Variants in SMYD3 observed in about 807,000 individuals in gnomAD.
SMYD3 encodes histone-lysine N-methyltransferase SMYD3.
A neutral mutation model predicts 57.7 loss-of-function variants in SMYD3; 36 were observed. The observed-to-expected ratio is 0.62, with a 90% confidence interval of 0.48 to 0.82. The LOEUF (loss-of-function observed/expected upper bound fraction) is 0.82, where lower values mean the gene tolerates loss of function less well. SMYD3 is among the 40% of genes least tolerant of loss of function. SMYD3 has a pLI of 0.00. For synonymous variants in SMYD3, 211 were observed against 195.0 expected (o/e 1.08, Z -0.68); for missense variants, 515 against 538.8 (o/e 0.96, Z 0.44).
intron 8 of SMYD3, among the ~76,000 whole-genome samples, chr1:245,909,756 T>C (rs1389033936): frequency 1.3e-5 from 2 of 152,002 alleles, no homozygotes; most frequent in Admixed American, 1.3e-4. Context: ...TCAATAAAAT[T>C]CAATATGCCT....
chr1:246,444,305 T>G (rs931404947), intron 1 of SMYD3, among the ~76,000 whole-genome samples: 19 of 152,102 alleles, frequency 1.2e-4, no homozygotes, highest in Admixed American at 7.2e-4. Context: ...TTTGTATTTT[T>G]GGTAGAGACG....
At chr1:246,264,116 G>C (rs1558360283) in intron 5 of SMYD3, among the ~76,000 whole-genome samples, 1 of 152,016 alleles carries the variant, frequency 6.6e-6, no homozygotes. Flanking sequence ...TTCGAATACA[G>C]ACTTCTGAGG....
chr1:246,382,177 T>C (rs995391057), intron 1 of SMYD3, among the ~76,000 whole-genome samples: 1 of 150,408 alleles, frequency 6.6e-6, no homozygotes, highest in Non-Finnish European at 1.5e-5. Flanking sequence ...CCCAAACCCC[T>C]CCAGCTGACA....
intron 5 of SMYD3, among the ~76,000 whole-genome samples, chr1:246,076,193 A>G (rs543376676): frequency 2.3e-4 from 35 of 152,316 alleles, no homozygotes; most frequent in African/African-American, 8.2e-4. Flanking sequence ...ATTAAAAAAG[A>G]AACTATATAA....
At chr1:246,393,934 T>C (rs537883850) in intron 1 of SMYD3, among the ~76,000 whole-genome samples, 71 of 152,288 alleles carry the variant, frequency 4.7e-4, no homozygotes, top group Admixed American at 3.7e-3. Flanking sequence ...ATGGTGAAAA[T>C]TGAAAACTAG....
intron 5 of SMYD3, chr1:245,930,379 C>CT: frequency 2.9e-6 from 1 of 342,462 alleles, no homozygotes; most frequent in Admixed American, 4.2e-5. Context: ...CAACTTGTCT[C>CT]TTACTCCTAC....
intron 5 of SMYD3, among the ~76,000 whole-genome samples, chr1:245,998,792 T>C (rs1027010402): frequency 6.6e-6 from 1 of 152,158 alleles, no homozygotes; most frequent in South Asian, 2.1e-4. Context: ...AAATGTGGTG[T>C]AGACAGAAAA....
chr1:245,926,260 T>C (rs990333219), intron 7 of SMYD3, among the ~76,000 whole-genome samples: 1 of 152,116 alleles, frequency 6.6e-6, no homozygotes, highest in Non-Finnish European at 1.5e-5. Context: ...GTTTAAATCA[T>C]AACAAACAGC....
intron 5 of SMYD3, among the ~76,000 whole-genome samples, chr1:246,101,850 A>G (rs1303027546): frequency 6.6e-6 from 1 of 152,240 alleles, no homozygotes; most frequent in African/African-American, 2.4e-5. Flanking sequence ...CAATGCCCTG[A>G]AAGCAGCCCA....
intron 1 of SMYD3, among the ~76,000 whole-genome samples, chr1:246,496,944 A>T (rs1398631861): frequency 6.6e-6 from 1 of 152,248 alleles, no homozygotes; most frequent in African/African-American, 2.4e-5. Flanking sequence ...AACTTTAAAA[A>T]GGAAACATTC....
chr1:246,242,477 C>A (rs1170643526), intron 5 of SMYD3, among the ~76,000 whole-genome samples: 1 of 152,120 alleles, frequency 6.6e-6, no homozygotes, highest in African/African-American at 2.4e-5. Flanking sequence ...AATTTATGTT[C>A]TTTTATATTT....
At chr1:246,081,467 A>C (rs958456338) in intron 5 of SMYD3, among the ~76,000 whole-genome samples, 1 of 152,064 alleles carries the variant, frequency 6.6e-6, no homozygotes, top group Non-Finnish European at 1.5e-5. Flanking sequence ...ATCTTTGCTC[A>C]CCACAACCCC....
At chr1:245,995,070 T>A (rs1223751939) in intron 5 of SMYD3, among the ~76,000 whole-genome samples, 1 of 152,052 alleles carries the variant, frequency 6.6e-6, no homozygotes, top group Non-Finnish European at 1.5e-5. Context: ...TCCAGCCTGG[T>A]GACAGAGCAA....
chr1:245,867,985 G>A (rs1477340768), intron 8 of SMYD3, among the ~76,000 whole-genome samples: 1 of 152,220 alleles, frequency 6.6e-6, no homozygotes, highest in African/African-American at 2.4e-5. Flanking sequence ...GCTCTTTAGA[G>A]CTGAATATAG....
At chr1:246,104,375 A>G (rs1053372908) in intron 5 of SMYD3, among the ~76,000 whole-genome samples, 1 of 152,250 alleles carries the variant, frequency 6.6e-6, no homozygotes, top group South Asian at 2.1e-4. Flanking sequence ...GGTGCTACTC[A>G]GAGCATGCTG....
At chr1:246,040,856 C>T (rs904958762) in intron 5 of SMYD3, among the ~76,000 whole-genome samples, 1 of 152,080 alleles carries the variant, frequency 6.6e-6, no homozygotes, top group African/African-American at 2.4e-5. Flanking sequence ...AAATATCGCA[C>T]AAATAGCAAA....
intron 5 of SMYD3, among the ~76,000 whole-genome samples, chr1:246,222,338 G>A (rs961150900): frequency 5.3e-5 from 8 of 151,956 alleles, no homozygotes; most frequent in South Asian, 2.1e-4. Flanking sequence ...CTTTATTATC[G>A]ACAAGGAACA....
chr1:245,860,229 C>T (rs1189936463), intron 9 of SMYD3, among the ~76,000 whole-genome samples: 2 of 152,152 alleles, frequency 1.3e-5, no homozygotes, highest in African/African-American at 4.8e-5. Context: ...GTGCCATCCC[C>T]TGCCCCCAAT....
At chr1:246,080,259 G>A (rs2147833418) in intron 5 of SMYD3, among the ~76,000 whole-genome samples, 1 of 152,136 alleles carries the variant, frequency 6.6e-6, no homozygotes, top group Non-Finnish European at 1.5e-5. Flanking sequence ...GACCACCGGA[G>A]CTCAGAGCAG....
Sources: gnomAD v4.1 joint callset for allele counts (sites outside exome capture counted in the v4.1 genomes callset) on GRCh38, gnomAD v4.1.1 for gene constraint, MANE v1.5 for transcripts, NCBI Gene and HGNC (gene_info 2026-07-23, HGNC 2026-07-21) for gene names.